Variants in SORL1 observed in about 807,000 individuals in gnomAD.
The protein encoded by SORL1 is sortilin-related receptor.
Under a neutral mutation model 273.7 loss-of-function variants are expected in SORL1, and 127 were observed. That is an observed-to-expected ratio of 0.46 (90% CI 0.40 to 0.54). SORL1 has a LOEUF of 0.54. Ranked by LOEUF, SORL1 falls within the 20% of genes least tolerant of loss-of-function variation. The pLI is 0.00. For synonymous variants in SORL1, 1,031 were observed against 1,067.4 expected (o/e 0.97, Z 0.66); for missense variants, 2,494 against 2,846.1 (o/e 0.88, Z 2.81).
intron 12 of SORL1, among the ~76,000 whole-genome samples, chr11:121,539,597 C>A (rs1002947807): frequency 7.3e-5 from 11 of 151,560 alleles, no homozygotes; most frequent in Non-Finnish European, 1.3e-4. Flanking sequence ...AAGATAAAAG[C>A]AAAATAGAAT....
In SORL1 at chr11:121,631,438, C is replaced by G. The variant is rs1441837941; in HGVS notation, c.*1875C>G. The G allele has an allele frequency of 6.6e-6, 1 of 151,800 alleles. No individual in the cohort carries two copies. Among genetic ancestry groups the G allele is most frequent in the Non-Finnish European group, 1.5e-5 (1 of 67,996 alleles). 9.4% of individuals were successfully genotyped at this position (151,800 alleles called of 1,614,324 possible). On this transcript the variant is annotated 3_prime_UTR_variant, in exon 48 of 48. Transcript: ENST00000260197. ...TTACCGTAGAGATTTGTTCAAAACT[C>G]TAAGCCCTACCACCTCCCCTTTAAT... is the stretch of plus-strand genomic sequence containing the variant.
chr11:121,610,924 TA>T, intron 38 of SORL1, 151 bp from the exon 39 acceptor site: 3 of 587,530 alleles, frequency 5.1e-6, no homozygotes, highest in Admixed American at 2.9e-5. Context: ...AAAACAGTGG[TA>T]AAAAAAGATC....
At chr11:121,620,182 C>T (rs1160526656) in intron 43 of SORL1, among the ~76,000 whole-genome samples, 1 of 152,256 alleles carries the variant, frequency 6.6e-6, no homozygotes, top group African/African-American at 2.4e-5. Flanking sequence ...CCCTGACCCT[C>T]TCACACAGGG....
In SORL1 at chr11:121,605,465, A is replaced by C; in HGVS notation, c.4842A>C (p.Leu1614Phe). 6.2e-7 allele frequency: 1 copy of C among 1,614,152 alleles called. No individual in the cohort carries two copies. Among genetic ancestry groups the C allele is most frequent in the Non-Finnish European group, 8.5e-7 (1 of 1,179,994 alleles). ...ETHSNKTNTV[L>F]KVLKPDTTYQ... ...ACAGCAATAAGACAAACACTGTATT[A>C]AAAGTCTTGAAACCAGATACCACGT... The change falls in exon 35 of 48, where the codon TTA (leucine) becomes TTC (phenylalanine). Residue 1614 changes from leucine to phenylalanine, a missense_variant. Leu to Phe is a conservative substitution (Grantham distance 22). Around this residue, in one of 3 missense-constraint regions of SORL1, gnomAD observed 1,609 missense variants for 1,816.4 expected, o/e 0.89. Coordinates refer to ENST00000260197, the MANE Select transcript of SORL1 (RefSeq NM_003105.6).
Position 121,614,899 on chromosome 11 carries a change from T to C in SORL1, c.5448T>C (p.Tyr1816=), listed in dbSNP as rs150315143. 4,173 of 1,605,508 alleles carry C rather than the reference T, an allele frequency of 2.6e-3. 14 individuals carry two copies. Among genetic ancestry groups the C allele is most frequent in the Admixed American group, 2.6e-3 (153 of 59,830 alleles). ...KVGNLTAHTS[Y]EISAWAKTDL... Reference sequence around the variant, plus strand: ...GCAATCTGACAGCTCATACATCCTATGAGATTTCTGCCTGGGCCAAGACTG... The same window carrying C: ...GCAATCTGACAGCTCATACATCCTACGAGATTTCTGCCTGGGCCAAGACTG... Residue 1816 remains tyrosine (Y), a synonymous_variant, in exon 41 of 48, where the codon TAT becomes TAC. Coordinates refer to ENST00000260197, the MANE Select transcript of SORL1 (RefSeq NM_003105.6).
chr11:121,566,793 G>T (rs894453955), intron 21 of SORL1, 147 bp from the exon 22 acceptor site: 1 of 685,908 alleles, frequency 1.5e-6, no homozygotes, highest in Admixed American at 3.0e-5. Context: ...AGCACAGTAG[G>T]CGCCCCAAAG....
intron 11 of SORL1, among the ~76,000 whole-genome samples, chr11:121,530,083 AGT>A (rs763691728): frequency 1.3e-5 from 2 of 152,190 alleles, no homozygotes; most frequent in African/African-American, 2.4e-5. Flanking sequence ...CAACCATACA[AGT>A]CCCTTTTCTC....
chr11:121,557,272 G>T (rs983289939), intron 18 of SORL1, 42 bp from the exon 19 acceptor site: 11 of 1,427,532 alleles, frequency 7.7e-6, no homozygotes, highest in African/African-American at 1.4e-5. Context: ...TCTTTAAGGA[G>T]CTCCGATCCA....
At chr11:121,559,085 A>G (rs1455495046) in intron 20 of SORL1, among the ~76,000 whole-genome samples, 1 of 152,174 alleles carries the variant, frequency 6.6e-6, no homozygotes, top group African/African-American at 2.4e-5. Flanking sequence ...GAACATTCCC[A>G]GTTTGCCCCT....
At chr11:121,611,228 A>C (rs1213663228) in intron 39 of SORL1, 70 bp downstream of exon 39, 1 of 1,058,080 alleles carries the variant, frequency 9.5e-7, no homozygotes. Context: ...AGGACATAGC[A>C]CAGTAAGACT....
At chr11:121,562,997 G>A (rs1412434380) in intron 21 of SORL1, among the ~76,000 whole-genome samples, 1 of 152,088 alleles carries the variant, frequency 6.6e-6, no homozygotes, top group Admixed American at 6.5e-5. Flanking sequence ...TGTATTGAGG[G>A]GTTGCTGTGT....
chr11:121,615,104 A>C, intron 41 of SORL1, 49 bp downstream of exon 41: 5 of 1,441,424 alleles, frequency 3.5e-6, no homozygotes, highest in Non-Finnish European at 4.7e-6. Context: ...ACTGTCCCCT[A>C]ATGCTACGCC....
intron 3 of SORL1, among the ~76,000 whole-genome samples, chr11:121,480,941 C>T: frequency 7.8e-6 from 1 of 128,796 alleles, no homozygotes; most frequent in Non-Finnish European, 1.7e-5. Context: ...CAGCTCCTCC[C>T]CTAGTGCACA....
chr11:121,464,508 T>G (rs548815082), intron 1 of SORL1, among the ~76,000 whole-genome samples: 55 of 152,204 alleles, frequency 3.6e-4, no homozygotes, highest in Admixed American at 1.4e-3. Flanking sequence ...GCCATTGACT[T>G]CCTCCCCTCT....
intron 21 of SORL1, among the ~76,000 whole-genome samples, chr11:121,561,866 C>A (rs376174647): frequency 6.6e-6 from 1 of 152,216 alleles, no homozygotes; most frequent in African/African-American, 2.4e-5. Context: ...GAGCAGGATA[C>A]TTCCAGGAGA....
At chr11:121,614,813 A>G (rs905010391) in intron 40 of SORL1, 58 bp from the exon 41 acceptor site, 4 of 1,407,236 alleles carry the variant, frequency 2.8e-6, no homozygotes, top group African/African-American at 2.8e-5. Flanking sequence ...GTACCAAGAC[A>G]CGTTCTTGAC....
chr11:121,561,690 G>GA (rs34672730), intron 21 of SORL1, among the ~76,000 whole-genome samples: 102,090 of 109,876 alleles, frequency 0.93, 47,618 homozygotes, highest in Non-Finnish European at 0.96. Context: ...CCCTGTCACC[G>GA]AAAAAAAAAA....
chr11:121,462,800 G>C (rs1861021883), intron 1 of SORL1, among the ~76,000 whole-genome samples: 1 of 152,162 alleles, frequency 6.6e-6, no homozygotes, highest in South Asian at 2.1e-4. Flanking sequence ...GTCTAGGCTG[G>C]TCTTGAACTC....
chr11:121,627,410 A>G lies in SORL1; in HGVS notation c.6365-145A>G, dbSNP rs1401541155. 1.5e-5 allele frequency: 10 copies of G among 677,038 alleles called. No individual in the cohort carries two copies. The allele number at this position is 677,038 out of a possible 1,614,324, so 41.9% of individuals were successfully genotyped here. A position where few individuals can be genotyped will look rare whatever the true frequency, so the allele number is the denominator to read the frequency against. Reference sequence around the variant, plus strand: ...GGGGAAGCAATCAGGCATCACGCACATGCAGAAACGTCTCACACCAGACAG... The same window carrying G: ...GGGGAAGCAATCAGGCATCACGCACGTGCAGAAACGTCTCACACCAGACAG... On this transcript the variant is annotated intron_variant, in intron 46 of 47. Transcript: ENST00000260197. This position sits in a 1 kb window ranked among gnomAD's most constrained non-coding sequence, Gnocchi z 4.9.
Sources: allele counts gnomAD v4.1 joint callset (sites outside exome capture counted in the v4.1 genomes callset), GRCh38; gene constraint gnomAD v4.1.1; regional missense constraint gnomAD v4.1.1; non-coding constraint Gnocchi (gnomAD v3.1); transcripts MANE v1.5; gene names NCBI Gene and HGNC (gene_info 2026-07-23, HGNC 2026-07-21).